Variants in IQCK observed in about 807,000 individuals in gnomAD.
IQCK encodes the protein IQ motif containing K.
Under a neutral mutation model 28.1 loss-of-function variants are expected in IQCK, and 29 were observed. That is an observed-to-expected ratio of 1.03 (90% CI 0.77 to 1.41). The LOEUF is 1.41. IQCK is among the 40% of genes most tolerant of loss of function. The pLI, the probability that IQCK is intolerant of heterozygous loss-of-function variation, is 0.00. For missense variants in IQCK, 359 were observed against 314.7 expected (o/e 1.14, Z -1.07); for synonymous variants, 113 against 115.1 (o/e 0.98, Z 0.12).
intron 9 of IQCK, among the ~76,000 whole-genome samples, chr16:19,839,228 T>G (rs142274086): frequency 0.019 from 2,948 of 151,556 alleles, 97 homozygotes; most frequent in African/African-American, 0.068. Context: ...TGGCATGATC[T>G]TGGCTCACTG....
At chr16:19,824,918 A>G (rs1483722084) in intron 7 of IQCK, among the ~76,000 whole-genome samples, 1 of 152,176 alleles carries the variant, frequency 6.6e-6, no homozygotes, top group African/African-American at 2.4e-5. Context: ...CCTTCTTTCC[A>G]TGGTGAACTC....
chr16:19,777,553 A>G (rs2055412147), intron 6 of IQCK, among the ~76,000 whole-genome samples: 1 of 152,182 alleles, frequency 6.6e-6, no homozygotes, highest in Non-Finnish European at 1.5e-5. Flanking sequence ...GAGGATAGTA[A>G]ATCGTCTTTG....
At chr16:19,826,717 T>G (rs889072677) in intron 7 of IQCK, among the ~76,000 whole-genome samples, 1 of 152,186 alleles carries the variant, frequency 6.6e-6, no homozygotes, top group African/African-American at 2.4e-5. Context: ...ACCTGCTTGC[T>G]TTTACTTTTT....
intron 9 of IQCK, among the ~76,000 whole-genome samples, chr16:19,841,013 G>C (rs1474636725): frequency 6.6e-6 from 1 of 152,186 alleles, no homozygotes; most frequent in Non-Finnish European, 1.5e-5. Context: ...TTGACACATG[G>C]TGTTCACCCT....
intron 6 of IQCK, among the ~76,000 whole-genome samples, chr16:19,781,539 G>T (rs1046132867): frequency 2.0e-5 from 3 of 152,172 alleles, no homozygotes; most frequent in Non-Finnish European, 4.4e-5. Context: ...GTAAAGCTCT[G>T]CAGGTTTTGG....
At chr16:19,730,809 C>G (rs1977813309) in intron 2 of IQCK, among the ~76,000 whole-genome samples, 1 of 152,162 alleles carries the variant, frequency 6.6e-6, no homozygotes, top group African/African-American at 2.4e-5. Context: ...GGCTCTTGCC[C>G]TGTCGCCCAG....
intron 9 of IQCK, 111 bp from the exon 9 acceptor site, chr16:19,856,376 T>G: frequency 1.3e-6 from 1 of 778,252 alleles, no homozygotes; most frequent in East Asian, 2.7e-5. Flanking sequence ...AGGCGCACAG[T>G]GGGTTTTGGT....
chr16:19,771,993 C>T (rs974502448), intron 6 of IQCK, among the ~76,000 whole-genome samples: 3 of 152,068 alleles, frequency 2.0e-5, no homozygotes, highest in African/African-American at 7.2e-5. Flanking sequence ...AAACAGCCTG[C>T]TTATGTGATT....
chr16:19,791,638 C>G (rs1247933127), intron 7 of IQCK, among the ~76,000 whole-genome samples: 1 of 142,812 alleles, frequency 7.0e-6, no homozygotes, highest in Non-Finnish European at 1.5e-5. Context: ...GATATGAATA[C>G]AGCATAAAGC....
chr16:19,789,444 A>G, intron 7 of IQCK, among the ~76,000 whole-genome samples: 1 of 83,768 alleles, frequency 1.2e-5, no homozygotes, highest in African/African-American at 8.2e-5. Context: ...AAACACAAAG[A>G]CTTTTTACCA....
intron 6 of IQCK, among the ~76,000 whole-genome samples, chr16:19,768,288 T>A (rs974577510): frequency 2.0e-5 from 3 of 152,178 alleles, no homozygotes; most frequent in Non-Finnish European, 4.4e-5. Context: ...ATGAGTATTA[T>A]GGATGGACAG....
intron 7 of IQCK, among the ~76,000 whole-genome samples, chr16:19,815,269 C>CT (rs1435021655): frequency 6.6e-6 from 1 of 152,152 alleles, no homozygotes; most frequent in East Asian, 1.9e-4. Flanking sequence ...CCAAGTAACT[C>CT]TAAGAGGACT....
At chr16:19,724,130 C>T (rs1224749264) in intron 1 of IQCK, among the ~76,000 whole-genome samples, 1 of 152,090 alleles carries the variant, frequency 6.6e-6, no homozygotes, top group Non-Finnish European at 1.5e-5. Flanking sequence ...CATACTATTC[C>T]TCTCCATGCC....
intron 1 of IQCK, among the ~76,000 whole-genome samples, chr16:19,722,455 T>C (rs142210753): frequency 1.5e-3 from 232 of 152,302 alleles, no homozygotes; most frequent in African/African-American, 5.3e-3. Context: ...GGAAGAAACC[T>C]CCACCATGAC....
intron 4 of IQCK, among the ~76,000 whole-genome samples, chr16:19,738,090 C>T (rs1042602926): frequency 3.9e-5 from 6 of 152,180 alleles, no homozygotes; most frequent in African/African-American, 1.4e-4. Flanking sequence ...CTGTCTCCCC[C>T]TGTATTTTAA....
At chr16:19,722,612 A>T (rs781081227) in intron 1 of IQCK, among the ~76,000 whole-genome samples, 7 of 152,232 alleles carry the variant, frequency 4.6e-5, no homozygotes, top group Admixed American at 3.9e-4. Context: ...ACTGTTTTCA[A>T]TGCTGGGCCA....
Position 19,776,534 on chromosome 16 carries a change from G to A in IQCK, c.606-12304G>A, listed in dbSNP as rs748744243. 5.3e-5 allele frequency among the ~76,000 whole-genome samples: 8 copies of A among 152,042 alleles called. No individual in the cohort carries two copies. In the East Asian group the frequency reaches 5.8e-4, roughly 11 times the overall value. ...ATCCTGGCCAACATGGTGAAACTCC[G>A]TCTCTACTAAAAATACAAAAAAATT... On this transcript the variant is annotated intron_variant, in intron 6 of 7. Coordinates refer to ENST00000564186, the Ensembl canonical transcript of IQCK.
At chr16:19,758,159 G>A (rs535483219) in intron 4 of IQCK, among the ~76,000 whole-genome samples, 7 of 152,150 alleles carry the variant, frequency 4.6e-5, no homozygotes, top group Non-Finnish European at 1.0e-4. Context: ...TCTAAATCTC[G>A]CTCTTTAATT....
chr16:19,742,747 CTA>C (rs1181306065), intron 4 of IQCK, among the ~76,000 whole-genome samples: 14 of 152,302 alleles, frequency 9.2e-5, no homozygotes, highest in Middle Eastern at 3.4e-3. Flanking sequence ...CTGCTGATGT[CTA>C]GTTATTTATA....
Sources: allele counts gnomAD v4.1 joint callset (sites outside exome capture counted in the v4.1 genomes callset), GRCh38; gene constraint gnomAD v4.1.1; transcripts MANE v1.5; gene names NCBI Gene and HGNC (gene_info 2026-07-23, HGNC 2026-07-21).